The following PTPN3 variants were observed in gnomAD, a reference collection of about 807,000 sequenced individuals.
PTPN3 encodes tyrosine-protein phosphatase non-receptor type 3.
Under a neutral mutation model 132.7 loss-of-function variants are expected in PTPN3, and 96 were observed. The observed-to-expected ratio is 0.72, with a 90% CI of 0.61 to 0.86. The LOEUF (loss-of-function observed/expected upper bound fraction) is 0.86. Ranked by LOEUF, PTPN3 falls within the 40% of genes least tolerant of loss-of-function variation. The pLI, the probability that PTPN3 is intolerant of heterozygous loss-of-function variation, is 0.00. For missense variants in PTPN3, 1,125 were observed against 1,159.6 expected (o/e 0.97, Z 0.43); for synonymous variants, 398 against 429.0 (o/e 0.93, Z 0.89).
At chr9:109,411,542 A>G (rs1388599932) in intron 14 of PTPN3, among the ~76,000 whole-genome samples, 1 of 152,136 alleles carries the variant, frequency 6.6e-6, no homozygotes, top group African/African-American at 2.4e-5. Context: ...GCTGATGACT[A>G]TGGGGCTCTC....
At chr9:109,434,175 G>A (rs565368636) in intron 9 of PTPN3, among the ~76,000 whole-genome samples, 1 of 152,374 alleles carries the variant, frequency 6.6e-6, no homozygotes, top group African/African-American at 2.4e-5. Context: ...ACAGGGTCTT[G>A]CTTTGATGCC....
chr9:109,448,107 T>A (rs984584157), intron 6 of PTPN3, among the ~76,000 whole-genome samples: 7 of 152,218 alleles, frequency 4.6e-5, no homozygotes, highest in African/African-American at 1.7e-4. Context: ...ATATTGGTTC[T>A]AATTGTTTCC....
chr9:109,397,600 A>G (rs1198338817), intron 19 of PTPN3: 1 of 152,246 alleles, frequency 6.6e-6, no homozygotes. Flanking sequence ...GGGCAAGAGA[A>G]ACCATCTAGC....
intron 1 of PTPN3, among the ~76,000 whole-genome samples, chr9:109,476,492 A>C (rs1359076013): frequency 2.0e-5 from 3 of 152,212 alleles, no homozygotes; most frequent in African/African-American, 7.2e-5. Context: ...ATCTGTACTG[A>C]GGCCTTCCAC....
At chr9:109,415,322 A>G (rs1842410459) in intron 14 of PTPN3, among the ~76,000 whole-genome samples, 1 of 152,164 alleles carries the variant, frequency 6.6e-6, no homozygotes, top group South Asian at 2.1e-4. Context: ...AGGCCAGGAG[A>G]GGCTTCCTGG....
At chr9:109,398,571 C>T (rs1418327636) in intron 19 of PTPN3, among the ~76,000 whole-genome samples, 8 of 152,100 alleles carry the variant, frequency 5.3e-5, no homozygotes, top group African/African-American at 1.2e-4. Flanking sequence ...TTTGACATGA[C>T]CTTTGGTGGT....
intron 9 of PTPN3, 72 bp from the exon 10 acceptor site, chr9:109,433,233 C>T (rs1486189554): frequency 8.8e-6 from 14 of 1,585,866 alleles, no homozygotes; most frequent in Non-Finnish European, 1.2e-5. Context: ...CTTTAAAGCA[C>T]CCACGCTGTT....
intron 17 of PTPN3, among the ~76,000 whole-genome samples, chr9:109,406,829 TAA>T (rs1443606506): frequency 6.6e-6 from 1 of 152,240 alleles, no homozygotes; most frequent in Non-Finnish European, 1.5e-5. Flanking sequence ...GCTCAGAATA[TAA>T]GTTATGAAAC....
At chr9:109,485,842 C>G (rs187086478) in intron 1 of PTPN3, among the ~76,000 whole-genome samples, 13 of 152,240 alleles carry the variant, frequency 8.5e-5, no homozygotes, top group Admixed American at 7.2e-4. Flanking sequence ...CCCCCGACTC[C>G]CATACACCTA....
At position 109,428,621 on chromosome 9, in the gene PTPN3, C is replaced by T. The variant is rs1212041917; in HGVS notation, c.828G>A (p.Gln276=). 1.9e-6 allele frequency: 3 copies of T among 1,613,280 alleles called. No homozygotes were observed. The highest frequency in any genetic ancestry group is 2.5e-6 in the Non-Finnish European group (3 of 1,179,298). The part of the protein sequence containing the change: ...KKFFIHQRQK[Q]AESREHIVAF... ...AGCAAGCAAAGACATAACTACTCAC[C>T]TGTTTCTGTCGCTGATGTATGAAGA... Residue 276 remains glutamine (Q), a splice_region_variant and synonymous_variant, in exon 11 of 26, where the codon CAG becomes CAA. Transcript: ENST00000374541.
chr9:109,517,616 T>C, the PTPN3 span, among the ~76,000 whole-genome samples: 2 of 152,182 alleles, frequency 1.3e-5, no homozygotes. Flanking sequence ...TATTTTGATT[T>C]AGTAGGTCTG....
chr9:109,427,394 T>C (rs1479662018), intron 11 of PTPN3, among the ~76,000 whole-genome samples: 1 of 152,222 alleles, frequency 6.6e-6, no homozygotes, highest in Non-Finnish European at 1.5e-5. Flanking sequence ...CTATTTACAT[T>C]TCTAGGCTGG....
chr9:109,417,332 C>T (rs1842588797), intron 14 of PTPN3, among the ~76,000 whole-genome samples: 1 of 152,218 alleles, frequency 6.6e-6, no homozygotes, highest in African/African-American at 2.4e-5. Flanking sequence ...TTCTTTCTCT[C>T]TTTCTTCTTT....
chr9:109,389,132 G>C, intron 22 of PTPN3, 101 bp downstream of exon 22: 1 of 1,452,118 alleles, frequency 6.9e-7, no homozygotes. Flanking sequence ...CATACGGGCT[G>C]GACCAGGAGA....
intron 2 of PTPN3, among the ~76,000 whole-genome samples, chr9:109,459,035 G>A (rs1181527810): frequency 6.6e-6 from 1 of 152,180 alleles, no homozygotes; most frequent in Non-Finnish European, 1.5e-5. Flanking sequence ...CAGAAGGACA[G>A]TCTGACTGCC....
Position 109,383,573 on chromosome 9 carries a change from G to A in PTPN3, c.2254-22C>T, listed in dbSNP as rs763552162. The A allele has an allele frequency of 9.3e-6, 15 of 1,611,296 alleles. No homozygotes were observed. The East Asian group carries it at 2.2e-4, about 24-fold the overall frequency. The stretch of plus-strand genomic sequence containing the variant: ...TGGTCTGTAAGAAACCACCGAGAGT[G>A]AGTGAGCCCCGTCTGTGGGGTGTTC... On this transcript the variant is annotated intron_variant, in intron 22 of 25. Coordinates refer to ENST00000374541, the MANE Select transcript of PTPN3 (RefSeq NM_002829.4).
intron 1 of PTPN3, among the ~76,000 whole-genome samples, chr9:109,491,807 C>T (rs1415731957): frequency 2.0e-5 from 3 of 152,128 alleles, no homozygotes; most frequent in Non-Finnish European, 4.4e-5. Context: ...TCTTGCAGTC[C>T]CTGCAGCAGG....
intron 12 of PTPN3, among the ~76,000 whole-genome samples, chr9:109,426,010 T>A (rs1159648294): frequency 3.3e-5 from 4 of 121,706 alleles, no homozygotes; most frequent in Non-Finnish European, 6.6e-5. Context: ...TAAGACTCCA[T>A]CTCAAAAAAA....
At chr9:109,446,153 A>G (rs1252013760) in intron 6 of PTPN3, among the ~76,000 whole-genome samples, 1 of 152,180 alleles carries the variant, frequency 6.6e-6, no homozygotes, top group Non-Finnish European at 1.5e-5. Context: ...GAGGGCAGGA[A>G]GAAGGGCTTG....
Sources: allele counts gnomAD v4.1 joint callset (sites outside exome capture counted in the v4.1 genomes callset), GRCh38; gene constraint gnomAD v4.1.1; transcripts MANE v1.5; gene names NCBI Gene and HGNC (gene_info 2026-07-23, HGNC 2026-07-21).